Variants in PROM1 observed in about 807,000 individuals in gnomAD.
The protein encoded by PROM1 is prominin 1.
A neutral mutation model predicts 116.9 loss-of-function variants in PROM1; 105 were observed. The ratio of observed to expected loss-of-function variants is 0.90; its 90% CI spans 0.77 to 1.06. The LOEUF (loss-of-function observed/expected upper bound fraction) is 1.06, where lower values mean the gene tolerates loss of function less well. Among genes scored for constraint, PROM1 ranks in the 50% least tolerant of loss-of-function variants. The pLI is 0.00. For synonymous variants in PROM1, 393 were observed against 387.0 expected (o/e 1.02, Z -0.18); for missense variants, 1,122 against 1,045.2 (o/e 1.07, Z -1.01).
rs530490305 is a variant in PROM1 at position 15,979,761 on chromosome 4, C to T, written c.2513+120G>A. On this transcript the variant is annotated intron_variant, in intron 25 of 27. Coordinates refer to ENST00000447510, the MANE Select transcript of PROM1 (RefSeq NM_006017.3). ...CCATTGCAATTTATTTTTGCCTGTA[C>T]AGATCTGCTGTTTCTACATAATTTT... 10 of 1,044,786 alleles carry T rather than the reference C, an allele frequency of 9.6e-6. No homozygotes were observed. In the South Asian group the frequency reaches 1.2e-4, roughly 13 times the overall value. The allele number at this position is 1,044,786 out of a possible 1,614,324, so 64.7% of individuals were successfully genotyped here.
chr4:16,067,727 C>G (rs149709126), intron 2 of PROM1, among the ~76,000 whole-genome samples: 1 of 152,184 alleles, frequency 6.6e-6, no homozygotes, highest in Admixed American at 6.5e-5. Flanking sequence ...CCTGATCCTA[C>G]GTGGACATGG....
intron 23 of PROM1, among the ~76,000 whole-genome samples, chr4:15,983,827 G>A (rs1476123824): frequency 6.6e-6 from 1 of 152,188 alleles, no homozygotes; most frequent in Non-Finnish European, 1.5e-5. Flanking sequence ...CATCTGTTGA[G>A]GAGGGAACAG....
At chr4:16,027,915 A>G (rs113670613) in intron 5 of PROM1, among the ~76,000 whole-genome samples, 145 of 152,346 alleles carry the variant, frequency 9.5e-4, no homozygotes, top group African/African-American at 3.4e-3. Flanking sequence ...ATGAATTGCA[A>G]TACATTTCAC....
chr4:15,977,887 C>T (rs9685105), intron 26 of PROM1, among the ~76,000 whole-genome samples: 34,604 of 152,154 alleles, frequency 0.23, 4,846 homozygotes, highest in Non-Finnish European at 0.31. Flanking sequence ...CATGAGCCAC[C>T]GCGCTTGGCC....
At chr4:16,012,724 A>T (rs1191190787) in intron 11 of PROM1, among the ~76,000 whole-genome samples, 1 of 151,922 alleles carries the variant, frequency 6.6e-6, no homozygotes, top group Non-Finnish European at 1.5e-5. Flanking sequence ...CAAAAAAATT[A>T]GCCGGGTGTG....
At chr4:16,049,581 T>C (rs537834020) in intron 2 of PROM1, among the ~76,000 whole-genome samples, 213 of 152,278 alleles carry the variant, frequency 1.4e-3, no homozygotes, top group Non-Finnish European at 1.6e-3. Context: ...GTAAATCAGA[T>C]CTCACCATAT....
At chr4:15,978,010 CA>C (rs985900929) in intron 26 of PROM1, among the ~76,000 whole-genome samples, 1 of 152,154 alleles carries the variant, frequency 6.6e-6, no homozygotes, top group African/African-American at 2.4e-5. Flanking sequence ...GTCATGAAGG[CA>C]AAGCCCTCAT....
At chr4:16,028,312 G>C (rs779649875) in intron 5 of PROM1, among the ~76,000 whole-genome samples, 5 of 152,316 alleles carry the variant, frequency 3.3e-5, no homozygotes, top group Non-Finnish European at 7.3e-5. Flanking sequence ...TTGGGTAGCA[G>C]GGGGTCATGG....
At chr4:16,025,483 C>T (rs1296411983) in intron 5 of PROM1, among the ~76,000 whole-genome samples, 171 bp from the exon 6 acceptor site, 1 of 152,212 alleles carries the variant, frequency 6.6e-6, no homozygotes, top group Non-Finnish European at 1.5e-5. Context: ...CACAGTCAAA[C>T]CACCACCCAC....
chr4:15,997,309 C>CATATATAT (rs143329386), intron 15 of PROM1, among the ~76,000 whole-genome samples: 1 of 142,708 alleles, frequency 7.0e-6, no homozygotes, highest in African/African-American at 2.6e-5. Flanking sequence ...GAAATGCAAA[C>CATATATAT]ATATATATAT....
At chr4:16,016,088 A>T in intron 10 of PROM1, 78 bp downstream of exon 10, 1 of 1,255,344 alleles carries the variant, frequency 8.0e-7, no homozygotes, top group African/African-American at 1.5e-5. Flanking sequence ...CTTTTTTGCT[A>T]TTTCCTATTT....
At chr4:15,976,834 T>G (rs1171874489) in intron 26 of PROM1, among the ~76,000 whole-genome samples, 1 of 152,196 alleles carries the variant, frequency 6.6e-6, no homozygotes, top group Non-Finnish European at 1.5e-5. Context: ...TAGGAATGAC[T>G]TGCCTCCAGC....
At chr4:16,054,021 G>A (rs1738441538) in intron 2 of PROM1, among the ~76,000 whole-genome samples, 1 of 152,224 alleles carries the variant, frequency 6.6e-6, no homozygotes, top group African/African-American at 2.4e-5. Context: ...TTGAACCTGG[G>A]AGGTGGAGGT....
intron 18 of PROM1, 77 bp from the exon 19 acceptor site, chr4:15,989,901 G>T: frequency 1.7e-6 from 2 of 1,168,922 alleles, no homozygotes; most frequent in Middle Eastern, 1.9e-4. Context: ...CAGGGGCCCT[G>T]TGTAGCCAGG....
Position 16,001,430 on chromosome 4 carries a change from C to T in PROM1, c.1455-811G>A, listed in dbSNP as rs188077459. ...TAGCCATGGTCATTTATCCCCAGGG[C>T]TGGCTTGGAGAGAGAAACAGCCTAG... On this transcript the variant is annotated intron_variant, in intron 13 of 27. Transcript: ENST00000447510. 8.9e-4 allele frequency among the ~76,000 whole-genome samples: 136 copies of T among 152,234 alleles called. 1 individual carries two copies. Among genetic ancestry groups the T allele is most frequent in the African/African-American group, 3.2e-3 (132 of 41,538 alleles).
At chr4:16,063,858 C>T (rs573736079) in intron 2 of PROM1, among the ~76,000 whole-genome samples, 2 of 152,198 alleles carry the variant, frequency 1.3e-5, no homozygotes, top group Admixed American at 1.3e-4. Flanking sequence ...CTGGGATTTG[C>T]TTCAAAGTAA....
chr4:16,018,666 A>C, intron 8 of PROM1, 126 bp from the exon 9 acceptor site: 1 of 779,106 alleles, frequency 1.3e-6, no homozygotes, highest in Non-Finnish European at 2.1e-6. Flanking sequence ...GACACACTGC[A>C]AGGGGCAGTC....
chr4:15,980,614 T>TAA, intron 23 of PROM1, 77 bp from the exon 24 acceptor site: 1 of 679,800 alleles, frequency 1.5e-6, no homozygotes, highest in Non-Finnish European at 2.2e-6. Context: ...GGATTTTTTT[T>TAA]TTTTTTTTTT....
chr4:16,050,841 G>T (rs1027272883), intron 2 of PROM1, among the ~76,000 whole-genome samples: 3 of 152,168 alleles, frequency 2.0e-5, no homozygotes, highest in African/African-American at 7.2e-5. Context: ...TATATTTAAT[G>T]GCATGGTCAG....
Sources: gnomAD v4.1 joint callset for allele counts (sites outside exome capture counted in the v4.1 genomes callset) on GRCh38, gnomAD v4.1.1 for gene constraint, MANE v1.5 for transcripts, NCBI Gene and HGNC (gene_info 2026-07-23, HGNC 2026-07-21) for gene names.